The following CARMIL1 variants were observed in gnomAD, a reference collection of about 807,000 sequenced individuals.
CARMIL1 encodes the protein F-actin-uncapping protein LRRC16A.
A neutral mutation model predicts 177.1 loss-of-function variants in CARMIL1; 90 were observed. The ratio of observed to expected loss-of-function variants is 0.51; its 90% CI spans 0.43 to 0.61. The LOEUF is 0.61. CARMIL1 is among the 20% of genes least tolerant of loss of function. The probability of loss-of-function intolerance (pLI) is 0.00; values close to 1 mark genes in which losing one functional copy is unlikely to be tolerated. For missense variants in CARMIL1, 1,380 were observed against 1,667.0 expected, an observed-to-expected ratio of 0.83 and a Z score of 3.00; for synonymous variants, 577 against 606.2, an observed-to-expected ratio of 0.95 and a Z score of 0.71.
intron 4 of CARMIL1, among the ~76,000 whole-genome samples, chr6:25,432,105 C>T (rs1050312757): frequency 6.6e-6 from 1 of 152,176 alleles, no homozygotes; most frequent in Non-Finnish European, 1.5e-5. Context: ...AGGACAGTTA[C>T]AGTTCTATAC....
At chr6:25,408,956 A>G (rs1039579160) in intron 2 of CARMIL1, among the ~76,000 whole-genome samples, 8 of 152,222 alleles carry the variant, frequency 5.3e-5, no homozygotes, top group Non-Finnish European at 1.2e-4. Context: ...ACAACTGTCC[A>G]ACAGAGTCTA....
At chr6:25,534,276 G>C (rs1808069990) in intron 24 of CARMIL1, among the ~76,000 whole-genome samples, 1 of 151,980 alleles carries the variant, frequency 6.6e-6, no homozygotes, top group African/African-American at 2.4e-5. Flanking sequence ...GTGGGGAGGA[G>C]CTGGGGAAAT....
At chr6:25,315,320 T>A (rs1349875027) in intron 2 of CARMIL1, among the ~76,000 whole-genome samples, 1 of 152,240 alleles carries the variant, frequency 6.6e-6, no homozygotes, top group Non-Finnish European at 1.5e-5. Context: ...TCTGCTTTGA[T>A]CCTTTGTCTT....
At chr6:25,538,777 G>C (rs1808578582) in intron 25 of CARMIL1, among the ~76,000 whole-genome samples, 1 of 152,118 alleles carries the variant, frequency 6.6e-6, no homozygotes, top group South Asian at 2.1e-4. Flanking sequence ...TGCAGGATAG[G>C]GGAGGTTGCC....
chr6:25,452,327 A>G, intron 8 of CARMIL1: 1 of 700,112 alleles, frequency 1.4e-6, no homozygotes, highest in Non-Finnish European at 2.6e-6. Flanking sequence ...AGCTCATAAA[A>G]AAGTGAACTG....
intron 2 of CARMIL1, chr6:25,388,371 G>T (rs115996918): frequency 0.14 from 21,682 of 151,416 alleles, 1,778 homozygotes; most frequent in East Asian, 0.32. Flanking sequence ...TACTTTTTTT[G>T]TTTTGTTTTG....
At chr6:25,379,534 A>G (rs1260335022) in intron 2 of CARMIL1, among the ~76,000 whole-genome samples, 1 of 152,210 alleles carries the variant, frequency 6.6e-6, no homozygotes, top group Admixed American at 6.5e-5. Flanking sequence ...GAGACCTCTC[A>G]GCTGGCCAGA....
chr6:25,337,793 G>T (rs2744227), intron 2 of CARMIL1, among the ~76,000 whole-genome samples: 64,127 of 152,058 alleles, frequency 0.42, 13,843 homozygotes, highest in East Asian at 0.54. Context: ...GGTCAGAGTG[G>T]ACGTGATATA....
chr6:25,307,882 T>C (rs1030065861), intron 2 of CARMIL1, among the ~76,000 whole-genome samples: 2 of 132,560 alleles, frequency 1.5e-5, no homozygotes, highest in African/African-American at 5.5e-5. Context: ...TGGTTATTGG[T>C]TTTGCTTTTA....
At chr6:25,394,046 G>A (rs988448504) in intron 2 of CARMIL1, among the ~76,000 whole-genome samples, 1 of 152,140 alleles carries the variant, frequency 6.6e-6, no homozygotes, top group Admixed American at 6.5e-5. Context: ...AGTTGAAAGA[G>A]TGTTAAGTGA....
At chr6:25,343,943 CT>C (rs1301280820) in intron 2 of CARMIL1, among the ~76,000 whole-genome samples, 1 of 152,180 alleles carries the variant, frequency 6.6e-6, no homozygotes, top group Non-Finnish European at 1.5e-5. Flanking sequence ...CCTCCTCTGA[CT>C]TTCAGGTCTC....
At chr6:25,529,990 T>A (rs969235043) in intron 24 of CARMIL1, among the ~76,000 whole-genome samples, 5 of 152,060 alleles carry the variant, frequency 3.3e-5, no homozygotes, top group African/African-American at 1.2e-4. Context: ...AATGGTGAAT[T>A]GACTTAGAAT....
intron 2 of CARMIL1, among the ~76,000 whole-genome samples, chr6:25,299,072 C>T (rs535359514): frequency 2.6e-5 from 4 of 151,016 alleles, no homozygotes; most frequent in South Asian, 2.1e-4. Context: ...ATTTTATAGC[C>T]GGTCCTTGAT....
intron 2 of CARMIL1, among the ~76,000 whole-genome samples, chr6:25,349,982 C>T (rs1787955681): frequency 6.6e-6 from 1 of 152,126 alleles, no homozygotes; most frequent in African/African-American, 2.4e-5. Flanking sequence ...CCGCCTTAGC[C>T]TCCTAAAGTG....
chr6:25,379,729 G>A (rs1791345576), intron 2 of CARMIL1, among the ~76,000 whole-genome samples: 1 of 152,174 alleles, frequency 6.6e-6, no homozygotes, highest in Non-Finnish European at 1.5e-5. Context: ...GGCCGGGATT[G>A]CTATATTTCC....
At chr6:25,563,962 A>T (rs976176586) in intron 29 of CARMIL1, 8 of 611,156 alleles carry the variant, frequency 1.3e-5, no homozygotes, top group African/African-American at 2.0e-5. Context: ...AACCAGGATT[A>T]AAAAAAATGA....
chr6:25,290,847 A>G (rs1263446976), intron 2 of CARMIL1, among the ~76,000 whole-genome samples: 2 of 152,176 alleles, frequency 1.3e-5, no homozygotes, highest in Non-Finnish European at 2.9e-5. Flanking sequence ...GTGCAGTGGC[A>G]CTATCACAAT....
rs112495746 is a variant in CARMIL1, at chr6:25,333,987, T to G, written c.138+49078T>G. On this transcript the variant is annotated intron_variant, in intron 2 of 36. Transcript: ENST00000329474. ...TCATGATCCTAGAATGTACTTTCCC[T>G]GTATTCTTTCTCCTCTGCTGGTGTT... is the stretch of plus-strand genomic sequence containing the variant. Among the ~76,000 whole-genome samples, 1,096 of 152,360 alleles carry G rather than the reference T, an allele frequency of 7.2e-3. 10 individuals carry two copies. Among genetic ancestry groups the G allele is most frequent in the African/African-American group, 0.024 (1,005 of 41,588 alleles).
intron 25 of CARMIL1, among the ~76,000 whole-genome samples, 159 bp from the exon 26 acceptor site, chr6:25,539,788 C>T (rs891472329): frequency 2.0e-5 from 3 of 152,068 alleles, no homozygotes; most frequent in Non-Finnish European, 2.9e-5. Flanking sequence ...AAGGAATGCC[C>T]ATAGTCTGGA....
Sources: gnomAD v4.1 joint callset for allele counts (sites outside exome capture counted in the v4.1 genomes callset) on GRCh38, gnomAD v4.1.1 for gene constraint, MANE v1.5 for transcripts, NCBI Gene and HGNC (gene_info 2026-07-23, HGNC 2026-07-21) for gene names.